The following TOLLIP variants were observed in gnomAD, a reference collection of about 807,000 sequenced individuals.
The protein encoded by TOLLIP is toll interacting protein.
TOLLIP carries 16 observed loss-of-function variants against 33.5 expected under a neutral mutation model. That is an observed-to-expected ratio of 0.48 (90% CI 0.32 to 0.72). The LOEUF is 0.72. Ranked by LOEUF, TOLLIP falls within the 30% of genes least tolerant of loss-of-function variation. The pLI is 0.03. For synonymous variants in TOLLIP, 176 were observed against 163.7 expected, an observed-to-expected ratio of 1.07 and a Z score of -0.57; for missense variants, 325 against 396.6, an observed-to-expected ratio of 0.82 and a Z score of 1.53.
Position 1,286,053 on chromosome 11 carries a change from C to T in TOLLIP, c.559G>A (p.Val187Ile), listed in dbSNP as rs2133892957. Residue 187 changes from valine (V) to isoleucine (I), a missense_variant, in exon 5 of 6, where the codon GTC (valine) becomes ATC (isoleucine). Transcript: ENST00000317204. ...TGCTGGTACACTGTTGGCATCAGGA[C>T]CACGGGCTGGGGTGGCATCACCATG... is the stretch of plus-strand genomic sequence containing the variant. ...AAMVMPPQPV[V>I]LMPTVYQQGV... The T allele has an allele frequency of 1.2e-6, 2 of 1,601,026 alleles. No homozygotes were observed. The highest frequency in any genetic ancestry group is 2.3e-5 in the East Asian group (1 of 44,424).
intron 4 of TOLLIP, among the ~76,000 whole-genome samples, chr11:1,287,876 C>CCTGCTGCACCCTCCCTGCTGCACCCTCT (rs1863795755): frequency 9.3e-6 from 1 of 107,644 alleles, no homozygotes; most frequent in East Asian, 3.9e-4. Flanking sequence ...CTGCAGCCTC[C>CCTGCTGCACCCTCCCTGCTGCACCCTCT]CTGCTGCACC....
intron 1 of TOLLIP, among the ~76,000 whole-genome samples, chr11:1,300,096 T>C (rs1381659031): frequency 6.6e-6 from 1 of 152,238 alleles, no homozygotes; most frequent in Non-Finnish European, 1.5e-5. Context: ...TTAGAAACTT[T>C]TTAAAAACAT....
Position 1,283,430 on chromosome 11 carries a change from A to C in TOLLIP, c.610+2572T>G, listed in dbSNP as rs146203970. On this transcript the variant is annotated intron_variant, in intron 5 of 5. Coordinates refer to ENST00000317204, the MANE Select transcript of TOLLIP (RefSeq NM_019009.4). ...GTGTCAGCTTCATCTAGATGGCCGT[A>C]CTGTGCCAGGGACGCCCCTGCTTAT... 410 of 411,476 alleles carry C rather than the reference A, an allele frequency of 1.0e-3. 6 individuals carry two copies. Among genetic ancestry groups the C allele is most frequent in the African/African-American group, 8.0e-3 (382 of 48,022 alleles). 25.5% of individuals were successfully genotyped at this position (411,476 alleles called of 1,614,324 possible).
chr11:1,295,502 A>C (rs1470919327), intron 2 of TOLLIP, 143 bp downstream of exon 2: 1 of 1,110,916 alleles, frequency 9.0e-7, no homozygotes. Context: ...ATCGTTTTCA[A>C]CATCACACAG....
intron 2 of TOLLIP, among the ~76,000 whole-genome samples, chr11:1,293,654 T>C (rs917298278): frequency 6.6e-6 from 1 of 152,188 alleles, no homozygotes; most frequent in Non-Finnish European, 1.5e-5. Flanking sequence ...CTGCCTGTGG[T>C]GGGCTCCAGG....
chr11:1,306,382 C>T (rs1011764112), intron 1 of TOLLIP, among the ~76,000 whole-genome samples: 8 of 151,986 alleles, frequency 5.3e-5, no homozygotes, highest in Admixed American at 3.9e-4. Flanking sequence ...GGGATCTTGC[C>T]GTCTCCCCTT....
chr11:1,281,106 CT>C (rs1276839866), intron 5 of TOLLIP, among the ~76,000 whole-genome samples: 1 of 152,210 alleles, frequency 6.6e-6, no homozygotes, highest in Non-Finnish European at 1.5e-5. Context: ...AAAAAACCCC[CT>C]ATAACCACAT....
chr11:1,292,344 A>C (rs907250871), intron 2 of TOLLIP, among the ~76,000 whole-genome samples: 5 of 152,172 alleles, frequency 3.3e-5, no homozygotes, highest in South Asian at 2.1e-4. Flanking sequence ...GCTATGACTT[A>C]TTTTTATTAA....
Position 1,286,102 on chromosome 11 carries a change from A to G in TOLLIP, c.520-10T>C. The G allele has an allele frequency of 6.3e-7, 1 of 1,585,620 alleles. No homozygotes were observed. The highest frequency in any genetic ancestry group is 8.6e-7 in the Non-Finnish European group (1 of 1,166,448). ...TGGCAGCTGGAAGCAGCTGAAACAC[A>G]GCGGAGATGGTCCCGGGGTCAAGGA... is the stretch of plus-strand genomic sequence containing the variant. On this transcript the variant is annotated splice_polypyrimidine_tract_variant and intron_variant, in intron 4 of 5. Transcript: ENST00000317204.
Position 1,290,099 on chromosome 11 carries a change from A to G in TOLLIP, c.366+128T>C, listed in dbSNP as rs545493272. ...AGAGCAGGACCCTGTCATGCACCCA[A>G]TGAAACACCAGGTGGGGAGCCACGC... On this transcript the variant is annotated intron_variant, in intron 3 of 5. Transcript: ENST00000317204. This position sits in a 1 kb window ranked among gnomAD's most constrained non-coding sequence, Gnocchi z 4.9. 2,618 of 867,372 alleles carry G rather than the reference A, an allele frequency of 3.0e-3. 13 individuals carry two copies. The highest frequency in any genetic ancestry group is 4.3e-3 in the Non-Finnish European group (2,393 of 554,610). The allele number at this position is 867,372 out of a possible 1,614,324, so 53.7% of individuals were successfully genotyped here.
At position 1,277,617 on chromosome 11, in the gene TOLLIP, C is replaced by T. The variant is rs2133874624; in HGVS notation, c.611-364G>A. 6.6e-6 allele frequency among the ~76,000 whole-genome samples: 1 copy of T among 152,340 alleles called. No homozygotes were observed. The highest frequency in any genetic ancestry group is 6.5e-5 in the Admixed American group (1 of 15,312). On this transcript the variant is annotated intron_variant, in intron 5 of 5. Transcript: ENST00000317204. This position sits in a 1 kb window ranked among gnomAD's most constrained non-coding sequence, Gnocchi z 4.2. ...AACTCGTGAATTTGCACTGCACACG[C>T]TCGTCTTCACTGACCAGTGGGCTCA... is the stretch of plus-strand genomic sequence containing the variant.
At chr11:1,307,411 C>A (rs770173867) in intron 1 of TOLLIP, among the ~76,000 whole-genome samples, 17 of 152,244 alleles carry the variant, frequency 1.1e-4, no homozygotes, top group Admixed American at 3.3e-4. Flanking sequence ...TTCCTCATCG[C>A]GGGTGTAACA....
In TOLLIP at chr11:1,287,545, C is replaced by T. The variant is rs1428825927; in HGVS notation, c.519+1079G>A. 3.0e-3 allele frequency among the ~76,000 whole-genome samples: 31 copies of T among 10,502 alleles called. 2 individuals carry two copies. The highest frequency in any genetic ancestry group is 0.011 in the East Asian group (9 of 838). The allele number at this position is 10,502 out of a possible 152,430, so 6.9% of individuals were successfully genotyped here. The stretch of plus-strand genomic sequence containing the variant: ...AGCCTCCCCGCCGCAGCCTCACCGC[C>T]GCAGCCTCCCCGCCGCAGCCTCCCC... On this transcript the variant is annotated intron_variant, in intron 4 of 5. Transcript: ENST00000317204.
intron 1 of TOLLIP, among the ~76,000 whole-genome samples, chr11:1,297,307 C>T (rs939768167): frequency 2.0e-5 from 3 of 152,154 alleles, no homozygotes; most frequent in Non-Finnish European, 2.9e-5. Context: ...GTGCTCTGGG[C>T]GCCTGGCACT....
In TOLLIP at chr11:1,277,165, G is replaced by A; in HGVS notation, c.699C>T (p.Asp233=). ...GGAACATGTCCTGGATGGCTTTCAG[G>A]TCCTCCTCGCTACAGCGGGGCTGGG... is the stretch of plus-strand genomic sequence containing the variant. ...VNAQPRCSEE[D]LKAIQDMFPN... The change falls in exon 6 of 6, where the codon GAC becomes GAT. Residue 233 remains aspartate (D), a synonymous_variant. Transcript: ENST00000317204. This position sits in a 1 kb window ranked among gnomAD's most constrained non-coding sequence, Gnocchi z 4.2. 4.3e-6 allele frequency: 7 copies of A among 1,612,842 alleles called. No individual in the cohort carries two copies. The highest frequency in any genetic ancestry group is 5.1e-6 in the Non-Finnish European group (6 of 1,178,974).
intron 4 of TOLLIP, among the ~76,000 whole-genome samples, chr11:1,287,066 G>A (rs914815469): frequency 2.4e-4 from 37 of 151,496 alleles, no homozygotes; most frequent in Non-Finnish European, 1.8e-4. Flanking sequence ...TGTCAGCTGC[G>A]GATAAGTCAC....
rs116283238 is a variant in TOLLIP at position 1,287,881 on chromosome 11, T to C, written c.519+743A>G. ...ACCCTCTCTGCTGCAGCCTCCCTGC[T>C]GCACCCTCCCTGCTGCACCCTCTCT... On this transcript the variant is annotated intron_variant, in intron 4 of 5. Transcript: ENST00000317204. Among the ~76,000 whole-genome samples the C allele has an allele frequency of 2.3e-4, 28 of 123,386 alleles. 5 individuals are homozygous for C. The highest frequency in any genetic ancestry group is 3.1e-4 in the Admixed American group (4 of 12,998). 80.9% of individuals were successfully genotyped at this position (123,386 alleles called of 152,430 possible). A position where few individuals can be genotyped will look rare whatever the true frequency, so the allele number is the denominator to read the frequency against.
chr11:1,304,103 G>T (rs5743892), intron 1 of TOLLIP, among the ~76,000 whole-genome samples: 7,195 of 151,290 alleles, frequency 0.048, 217 homozygotes, highest in Middle Eastern at 0.1. Flanking sequence ...TATTCAGAAG[G>T]CAGCAAACAG....
intron 3 of TOLLIP, among the ~76,000 whole-genome samples, chr11:1,289,724 G>A (rs1409528543): frequency 1.3e-5 from 2 of 150,638 alleles, no homozygotes; most frequent in African/African-American, 4.9e-5. Flanking sequence ...CTGCTGGTGT[G>A]CGGCAAGACC....
Sources: allele counts gnomAD v4.1 joint callset (sites outside exome capture counted in the v4.1 genomes callset), GRCh38; gene constraint gnomAD v4.1.1; non-coding constraint Gnocchi (gnomAD v3.1); transcripts MANE v1.5; gene names NCBI Gene and HGNC (gene_info 2026-07-23, HGNC 2026-07-21).